The following TGFBI variants were observed in gnomAD, a reference collection of about 807,000 sequenced individuals.
TGFBI encodes transforming growth factor beta induced.
TGFBI carries 50 observed loss-of-function variants against 73.7 expected under a neutral mutation model. That is an observed-to-expected ratio of 0.68 (90% confidence interval 0.54 to 0.86). The LOEUF (loss-of-function observed/expected upper bound fraction) is 0.86, where lower values mean the gene tolerates loss of function less well. Ranked by LOEUF, TGFBI falls within the 40% of genes least tolerant of loss-of-function variation. TGFBI has a pLI of 0.00. For synonymous variants in TGFBI, 362 were observed against 360.5 expected (o/e 1.00, Z -0.05); for missense variants, 839 against 877.0 (o/e 0.96, Z 0.55).
At chr5:136,041,224 A>G (rs1474596232) in intron 2 of TGFBI, among the ~76,000 whole-genome samples, 1 of 152,216 alleles carries the variant, frequency 6.6e-6, no homozygotes, top group Admixed American at 6.5e-5. Flanking sequence ...CAGGAAGGCA[A>G]GAGGATTAAG....
chr5:136,047,579 C>T, intron 6 of TGFBI, 159 bp downstream of exon 6: 2 of 837,818 alleles, frequency 2.4e-6, no homozygotes, highest in East Asian at 2.4e-5. Context: ...AATTCATTGA[C>T]CAGACATTCA....
chr5:136,037,860 G>T (rs1033998923), intron 2 of TGFBI, among the ~76,000 whole-genome samples: 2 of 152,156 alleles, frequency 1.3e-5, no homozygotes, highest in African/African-American at 4.8e-5. Context: ...TTTTCAGTAG[G>T]TGTCCTTCTG....
At chr5:136,060,303 G>T (rs937394080) in intron 13 of TGFBI, among the ~76,000 whole-genome samples, 1 of 152,204 alleles carries the variant, frequency 6.6e-6, no homozygotes, top group South Asian at 2.1e-4. Flanking sequence ...ATTGCAAAGT[G>T]CTAAATCCAC....
chr5:136,054,965 C>T (rs1423525635), intron 10 of TGFBI, 104 bp downstream of exon 10: 1 of 1,356,706 alleles, frequency 7.4e-7, no homozygotes, highest in Non-Finnish European at 1.0e-6. Flanking sequence ...TGCATGAGAA[C>T]TGGTTGCTGA....
At chr5:136,049,822 G>A (rs1278980649) in intron 7 of TGFBI, 3 of 462,608 alleles carry the variant, frequency 6.5e-6, no homozygotes, top group Non-Finnish European at 7.8e-6. Flanking sequence ...GGACTGAAGA[G>A]AGGCATAGCT....
chr5:136,046,808 C>T, intron 4 of TGFBI, 43 bp from the exon 5 acceptor site: 1 of 1,588,960 alleles, frequency 6.3e-7, no homozygotes, highest in Non-Finnish European at 8.6e-7. Flanking sequence ...CTCTTAAACA[C>T]AGAGTCTGCA....
chr5:136,059,054 G>C, intron 12 of TGFBI, 36 bp from the exon 13 acceptor site: 1 of 1,599,368 alleles, frequency 6.3e-7, no homozygotes, highest in South Asian at 1.1e-5. Context: ...TACCATTCTT[G>C]GGATTAACTC....
rs376760680 is a variant in TGFBI at position 136,055,745 on chromosome 5, C to T, written c.1476C>T (p.Phe492=). Residue 492 remains phenylalanine (F), a synonymous_variant, in exon 11 of 17, where the codon TTC becomes TTT. Transcript: ENST00000442011. ...AGAGGGGGAGGTACGGGACCCTGTTCACGATGGACCGGGTGCTGACCCCCC... is the reference window on the plus strand; with the variant it reads ...AGAGGGGGAGGTACGGGACCCTGTTTACGATGGACCGGGTGCTGACCCCCC... ...HDKRGRYGTL[F]TMDRVLTPPM... The T allele has an allele frequency of 1.2e-6, 2 of 1,612,792 alleles. No homozygotes were observed. Among genetic ancestry groups the T allele is most frequent in the Non-Finnish European group, 1.7e-6 (2 of 1,179,172 alleles).
intron 16 of TGFBI, 93 bp from the exon 17 acceptor site, chr5:136,063,093 C>A: frequency 1.7e-6 from 2 of 1,165,624 alleles, no homozygotes; most frequent in Non-Finnish European, 2.6e-6. Context: ...CAGAAGGAGG[C>A]TGCTTGGCCC....
chr5:136,060,988 C>A, intron 14 of TGFBI, 52 bp downstream of exon 14: 1 of 1,337,980 alleles, frequency 7.5e-7, no homozygotes, highest in Non-Finnish European at 1.0e-6. Context: ...CTTCATGTGG[C>A]AGTTGGTGGA....
intron 1 of TGFBI, among the ~76,000 whole-genome samples, chr5:136,033,366 G>A (rs1031723000): frequency 2.0e-5 from 3 of 152,074 alleles, no homozygotes; most frequent in African/African-American, 4.8e-5. Flanking sequence ...ATAAAGCCTC[G>A]GGTTTATAGG....
rs1561616293 is a variant in TGFBI, at chr5:136,061,522, G to C, written c.1929G>C (p.Gly643=). The C allele has an allele frequency of 6.2e-7, 1 of 1,609,852 alleles. No individual in the cohort carries two copies. The highest frequency in any genetic ancestry group is 8.5e-7 in the Non-Finnish European group (1 of 1,178,000). The change falls in exon 15 of 17, where the codon GGG becomes GGC. Residue 643 remains glycine, a synonymous_variant. Transcript: ENST00000442011. ...QPPANRPQER[G]DELADSALEI... ...CAGCCAACAGACCTCAGGAAAGAGG[G>C]GATGAACTTGCAGACTCTGCGCTTG...
intron 1 of TGFBI, among the ~76,000 whole-genome samples, chr5:136,032,069 G>T (rs535327286): frequency 6.6e-6 from 1 of 152,172 alleles, no homozygotes; most frequent in East Asian, 1.9e-4. Context: ...AAATAGGACC[G>T]GGGGCTGGAG....
chr5:136,047,256 T>C lies in TGFBI; in HGVS notation c.625-18T>C. The C allele has an allele frequency of 1.2e-6, 2 of 1,613,046 alleles. No individual in the cohort carries two copies. Among genetic ancestry groups the C allele is most frequent in the Non-Finnish European group, 1.7e-6 (2 of 1,179,306 alleles). ...CTCTGTTGTGTTGACTGCTCATCCT[T>C]GCTGCTTCTCTGGGCAGATTGTAAC... On this transcript the variant is annotated intron_variant, in intron 5 of 16. Coordinates refer to ENST00000442011, the MANE Select transcript of TGFBI (RefSeq NM_000358.3).
chr5:136,034,294 C>T (rs1181507410), intron 2 of TGFBI, among the ~76,000 whole-genome samples: 1 of 152,072 alleles, frequency 6.6e-6, no homozygotes, highest in East Asian at 1.9e-4. Context: ...ACTTAGAGCA[C>T]TAAACATATG....
chr5:136,035,894 A>G (rs1435738552), intron 2 of TGFBI, among the ~76,000 whole-genome samples: 1 of 152,174 alleles, frequency 6.6e-6, no homozygotes, highest in Non-Finnish European at 1.5e-5. Context: ...CAAGCTGGCT[A>G]CAGGGTAGCA....
Position 136,056,731 on chromosome 5 carries a change from A to G in TGFBI, c.1614A>G (p.Thr538=). ...CCCTCAACCGGGAAGGAGTCTACAC[A>G]GTCTTTGCTCCCACAAATGAAGCCT... ...TETLNREGVY[T]VFAPTNEAFR... Residue 538 remains threonine, a synonymous_variant, in exon 12 of 17, where the codon ACA becomes ACG. Transcript: ENST00000442011. 1.9e-6 allele frequency: 3 copies of G among 1,613,938 alleles called. No homozygotes were observed. The highest frequency in any genetic ancestry group is 1.7e-6 in the Non-Finnish European group (2 of 1,179,882).
intron 5 of TGFBI, 104 bp downstream of exon 5, chr5:136,047,119 C>A (rs1357049681): frequency 5.9e-6 from 9 of 1,520,736 alleles, no homozygotes; most frequent in African/African-American, 1.4e-5. Flanking sequence ...GACAACCCAC[C>A]CTCTTTGTGC....
At chr5:136,031,806 C>T (rs1024068735) in intron 1 of TGFBI, among the ~76,000 whole-genome samples, 3 of 152,170 alleles carry the variant, frequency 2.0e-5, no homozygotes, top group South Asian at 2.1e-4. Flanking sequence ...TAAGCTTCAG[C>T]ATGAACTTCC....
Sources: allele counts gnomAD v4.1 joint callset (sites outside exome capture counted in the v4.1 genomes callset), GRCh38; gene constraint gnomAD v4.1.1; transcripts MANE v1.5; gene names NCBI Gene and HGNC (gene_info 2026-07-23, HGNC 2026-07-21).